The following CSMD1 variants were observed in gnomAD, a reference collection of about 807,000 sequenced individuals.
The protein encoded by CSMD1 is CUB and sushi domain-containing protein 1.
A neutral mutation model predicts 417.5 loss-of-function variants in CSMD1; 213 were observed. That is an observed-to-expected ratio of 0.51 (90% CI 0.46 to 0.57). The LOEUF (loss-of-function observed/expected upper bound fraction) is 0.57. Among genes scored for constraint, CSMD1 ranks in the 20% least tolerant of loss-of-function variants. CSMD1 has a pLI of 0.00. For synonymous variants in CSMD1, 2,862 were observed against 1,736.8 expected (o/e 1.65, Z -16.11); for missense variants, 6,923 against 4,529.7 (o/e 1.53, Z -15.17).
intron 5 of CSMD1, among the ~76,000 whole-genome samples, chr8:3,935,999 C>T (rs530482659): frequency 6.6e-6 from 1 of 151,966 alleles, no homozygotes; most frequent in African/African-American, 2.4e-5. Context: ...TCAGTGAATG[C>T]AAATGATAAG....
At chr8:3,843,923 G>A (rs768380225) in intron 5 of CSMD1, among the ~76,000 whole-genome samples, 4 of 152,132 alleles carry the variant, frequency 2.6e-5, no homozygotes, top group South Asian at 2.1e-4. Flanking sequence ...ACTTTCCATT[G>A]CATGCGCACA....
chr8:4,437,068 A>G (rs1222463436), intron 2 of CSMD1, among the ~76,000 whole-genome samples: 3 of 152,284 alleles, frequency 2.0e-5, no homozygotes, highest in Non-Finnish European at 2.9e-5. Flanking sequence ...TTAATGGGAC[A>G]GGCTATGGAA....
chr8:4,715,271 T>C (rs1229334335), intron 1 of CSMD1, among the ~76,000 whole-genome samples: 3 of 152,210 alleles, frequency 2.0e-5, no homozygotes, highest in Non-Finnish European at 4.4e-5. Context: ...TCTGACAAAA[T>C]TATTAAGGGT....
At chr8:3,930,821 A>C (rs888617136) in intron 5 of CSMD1, among the ~76,000 whole-genome samples, 2 of 150,792 alleles carry the variant, frequency 1.3e-5, no homozygotes, top group African/African-American at 4.9e-5. Flanking sequence ...ATAAATTTGC[A>C]CTTAAAACAA....
intron 5 of CSMD1, among the ~76,000 whole-genome samples, chr8:3,761,462 A>T (rs1228792345): frequency 6.6e-6 from 1 of 151,904 alleles, no homozygotes; most frequent in Admixed American, 6.6e-5. Flanking sequence ...TGTACCACAG[A>T]AGAGTTTTCA....
chr8:3,485,769 A>AAATAAAATAAAAT (rs1817994779), intron 11 of CSMD1, among the ~76,000 whole-genome samples: 1 of 12,958 alleles, frequency 7.7e-5, no homozygotes, highest in Non-Finnish European at 1.8e-4. Context: ...CAAAAAAATA[A>AAATAAAATAAAAT]AATAAAATAA....
intron 5 of CSMD1, among the ~76,000 whole-genome samples, chr8:3,938,887 C>A (rs1299192794): frequency 1.3e-5 from 2 of 152,110 alleles, no homozygotes; most frequent in Non-Finnish European, 2.9e-5. Flanking sequence ...AGTGTGACAA[C>A]TGTATATCTA....
At chr8:3,728,030 A>G (rs1034089723) in intron 6 of CSMD1, among the ~76,000 whole-genome samples, 15 of 152,190 alleles carry the variant, frequency 9.9e-5, no homozygotes, top group African/African-American at 2.9e-4. Flanking sequence ...ACTGTATTCA[A>G]TGCCCCTGAA....
chr8:3,098,880 T>C (rs1815533942), intron 46 of CSMD1, among the ~76,000 whole-genome samples: 1 of 150,454 alleles, frequency 6.6e-6, no homozygotes, highest in Admixed American at 6.6e-5. Context: ...TTAGAGCCAA[T>C]ATACACAATT....
chr8:4,977,534 T>A (rs960797316), intron 1 of CSMD1, among the ~76,000 whole-genome samples: 2 of 152,302 alleles, frequency 1.3e-5, no homozygotes, highest in African/African-American at 4.8e-5. Context: ...GAGCTCCCTT[T>A]GAGAGGGAAC....
At position 3,574,999 on chromosome 8, in the gene CSMD1, C is replaced by A; in HGVS notation, c.1290G>T (p.Gln430His). The A allele has an allele frequency of 1.2e-6, 2 of 1,613,362 alleles. No homozygotes were observed. The highest frequency in any genetic ancestry group is 1.7e-6 in the Non-Finnish European group (2 of 1,179,772). The change falls in exon 10 of 70, where the codon CAG (glutamine) becomes CAT (histidine). Residue 430 changes from glutamine (Q) to histidine (H), a missense_variant. Gln to His is a conservative substitution (Grantham distance 24). Transcript: ENST00000635120. ...ACACACAGTGTGCATTATCTTCATA[C>A]TGAACCGGATAATTAGGGGAGGTAA... ...GVITSPNYPV[Q>H]YEDNAHCVWV...
intron 5 of CSMD1, among the ~76,000 whole-genome samples, chr8:3,843,685 C>T (rs1396999946): frequency 6.6e-6 from 1 of 152,116 alleles, no homozygotes; most frequent in East Asian, 1.9e-4. Flanking sequence ...GACGGGAGCC[C>T]ACAGTGGGTG....
chr8:4,560,785 G>C (rs1798295047), intron 2 of CSMD1, among the ~76,000 whole-genome samples: 1 of 152,180 alleles, frequency 6.6e-6, no homozygotes, highest in Non-Finnish European at 1.5e-5. Flanking sequence ...CTGCACTGTA[G>C]CCTGAAGACT....
chr8:3,899,175 C>T (rs577760244), intron 5 of CSMD1, among the ~76,000 whole-genome samples: 11 of 152,176 alleles, frequency 7.2e-5, no homozygotes, highest in African/African-American at 1.2e-4. Context: ...AAGGTGCTTA[C>T]GGCCTAGGAC....
rs942433065 is a variant in CSMD1 at position 3,671,072 on chromosome 8, G to A, written c.1009+37342C>T. 2.2e-5 allele frequency among the ~76,000 whole-genome samples: 3 copies of A among 135,658 alleles called. No homozygotes were observed. In the East Asian group the frequency reaches 6.5e-4, roughly 29 times the overall value. The allele number at this position is 135,658 out of a possible 152,430, so 89.0% of individuals were successfully genotyped here. A position where few individuals can be genotyped will look rare whatever the true frequency, so the allele number is the denominator to read the frequency against. On this transcript the variant is annotated intron_variant, in intron 7 of 69. Transcript: ENST00000635120. Reference sequence around the variant, plus strand: ...GTATATAGGATATATATGTATATGGGATATATACATATAAGGGATATATAT... The same window carrying A: ...GTATATAGGATATATATGTATATGGAATATATACATATAAGGGATATATAT...
At chr8:4,742,446 G>C (rs919439293) in intron 1 of CSMD1, among the ~76,000 whole-genome samples, 3 of 152,068 alleles carry the variant, frequency 2.0e-5, no homozygotes, top group Admixed American at 6.6e-5. Flanking sequence ...ACTAAGATTA[G>C]AGGTATTTGG....
At chr8:4,416,521 C>G (rs1243316492) in intron 3 of CSMD1, among the ~76,000 whole-genome samples, 1 of 152,010 alleles carries the variant, frequency 6.6e-6, no homozygotes, top group East Asian at 1.9e-4. Flanking sequence ...CATTTTGAGT[C>G]TAAGAGTTTT....
At chr8:3,882,731 G>T (rs1230533385) in intron 5 of CSMD1, among the ~76,000 whole-genome samples, 2 of 152,156 alleles carry the variant, frequency 1.3e-5, no homozygotes, top group Non-Finnish European at 2.9e-5. Context: ...CAACAATGTA[G>T]GTGAATGTCA....
At position 2,973,218 on chromosome 8, in the gene CSMD1, A is replaced by C; in HGVS notation, c.8822T>G (p.Leu2941Arg). 1.2e-6 allele frequency: 2 copies of C among 1,613,956 alleles called. No homozygotes were observed. The highest frequency in any genetic ancestry group is 1.7e-6 in the Non-Finnish European group (2 of 1,179,850). Residue 2941 changes from leucine (L) to arginine (R), a missense_variant, in exon 57 of 70, where the codon CTT becomes CGT. Physicochemically the swap from Leu to Arg is moderately radical, Grantham distance 102. Coordinates refer to ENST00000635120, the MANE Select transcript of CSMD1 (RefSeq NM_033225.6). ...RLGDDFKTKS[L>R]LRFSCEMGHQ... is the part of the protein sequence containing the mutation. ...CCCCATTTCACAGGAGAAGCGGAGA[A>C]GACTCTTTGTCTTAAAGTCATCACC...
Sources: allele counts gnomAD v4.1 joint callset (sites outside exome capture counted in the v4.1 genomes callset), GRCh38; gene constraint gnomAD v4.1.1; transcripts MANE v1.5; gene names NCBI Gene and HGNC (gene_info 2026-07-23, HGNC 2026-07-21).